The following MICAL3 variants were observed in gnomAD, a reference collection of about 807,000 sequenced individuals.
The protein encoded by MICAL3 is [F-actin]-monooxygenase MICAL3.
Under a neutral mutation model 207.4 loss-of-function variants are expected in MICAL3, and 62 were observed. The observed-to-expected ratio is 0.30, with a 90% CI of 0.24 to 0.37. The LOEUF is 0.37. Ranked by LOEUF, MICAL3 falls within the 10% of genes least tolerant of loss-of-function variation. MICAL3 has a pLI of 1.00. For synonymous variants in MICAL3, 1,077 were observed against 1,069.3 expected (o/e 1.01, Z -0.14); for missense variants, 2,368 against 2,635.6 (o/e 0.90, Z 2.22).
intron 1 of MICAL3, among the ~76,000 whole-genome samples, chr22:17,993,023 A>C (rs1030750669): frequency 1.3e-5 from 2 of 152,202 alleles, no homozygotes; most frequent in Non-Finnish European, 2.9e-5. Context: ...AGAATACCAA[A>C]AGCAGAAAGT....
intron 25 of MICAL3, among the ~76,000 whole-genome samples, chr22:17,820,635 T>G (rs746084822): frequency 3.9e-5 from 6 of 152,210 alleles, no homozygotes; most frequent in Non-Finnish European, 8.8e-5. Context: ...ATTACAGGCG[T>G]GAGCCACCGC....
At chr22:17,831,733 C>G (rs1922828250) in intron 21 of MICAL3, 121 bp downstream of exon 21, 2 of 1,455,698 alleles carry the variant, frequency 1.4e-6, no homozygotes, top group Non-Finnish European at 1.8e-6. Context: ...GAGGGGTGGT[C>G]CCTGGGCTGT....
chr22:18,003,181 T>C (rs1923157442), intron 1 of MICAL3, among the ~76,000 whole-genome samples: 1 of 151,724 alleles, frequency 6.6e-6, no homozygotes, highest in African/African-American at 2.4e-5. Context: ...AAAAAGAACT[T>C]TAGTTGAAAG....
intron 19 of MICAL3, chr22:17,861,888 T>C: frequency 3.0e-6 from 3 of 985,356 alleles, no homozygotes; most frequent in Non-Finnish European, 3.6e-6. Flanking sequence ...CGACCTAGAG[T>C]GGTTCTTTGA....
In MICAL3 at chr22:17,935,988, T is replaced by C. The variant is rs545967638; in HGVS notation, c.-74-29102A>G. 4.3e-3 allele frequency among the ~76,000 whole-genome samples: 649 copies of C among 152,270 alleles called. 2 individuals are homozygous for C. The highest frequency in any genetic ancestry group is 0.015 in the African/African-American group (616 of 41,550). The stretch of plus-strand genomic sequence containing the variant: ...TTTACACTGTTGGTGGGAGTGTAAA[T>C]TGATTCAACCATTGTGGAAGACAGT... On this transcript the variant is annotated intron_variant, in intron 1 of 31. Coordinates refer to ENST00000441493, the MANE Select transcript of MICAL3 (RefSeq NM_015241.3).
At chr22:17,877,913 C>T (rs930931231) in intron 16 of MICAL3, among the ~76,000 whole-genome samples, 1 of 151,784 alleles carries the variant, frequency 6.6e-6, no homozygotes, top group East Asian at 1.9e-4. Flanking sequence ...AGTGCAGTGG[C>T]GCGATCTTGG....
chr22:17,984,334 G>A (rs535617082), intron 1 of MICAL3, among the ~76,000 whole-genome samples: 9 of 152,338 alleles, frequency 5.9e-5, no homozygotes, highest in South Asian at 2.1e-4. Flanking sequence ...CCAACACTGC[G>A]CTCGACACAT....
intron 19 of MICAL3, among the ~76,000 whole-genome samples, chr22:17,852,052 G>A: frequency 6.6e-6 from 1 of 152,168 alleles, no homozygotes; most frequent in East Asian, 1.9e-4. Flanking sequence ...AGTCCGGAAT[G>A]CATCCAAAGC....
intron 21 of MICAL3, among the ~76,000 whole-genome samples, chr22:17,831,055 C>T (rs543368095): frequency 6.6e-6 from 1 of 152,338 alleles, no homozygotes; most frequent in East Asian, 1.9e-4. Context: ...TCACTGAGAA[C>T]TCAACCGATC....
chr22:17,925,306 T>C (rs1932892238), intron 1 of MICAL3, among the ~76,000 whole-genome samples: 1 of 152,114 alleles, frequency 6.6e-6, no homozygotes, highest in Non-Finnish European at 1.5e-5. Flanking sequence ...CAGAAAAACA[T>C]ACTGTTCTCA....
chr22:17,797,493 AAAAT>A (rs1427558483), intron 29 of MICAL3, among the ~76,000 whole-genome samples: 1 of 152,166 alleles, frequency 6.6e-6, no homozygotes, highest in African/African-American at 2.4e-5. Flanking sequence ...CTATCTCTAA[AAAAT>A]AAATAAATAA....
At chr22:17,893,519 T>A (rs1569120028) in intron 11 of MICAL3, among the ~76,000 whole-genome samples, 1 of 152,172 alleles carries the variant, frequency 6.6e-6, no homozygotes, top group Non-Finnish European at 1.5e-5. Flanking sequence ...CTCTGTGCTC[T>A]CGTAACACCT....
intron 1 of MICAL3, among the ~76,000 whole-genome samples, chr22:17,939,685 T>C (rs1933719312): frequency 6.6e-6 from 1 of 152,200 alleles, no homozygotes; most frequent in Non-Finnish European, 1.5e-5. Flanking sequence ...AACACTTTTT[T>C]CCACATGTAG....
At chr22:17,859,640 C>T (rs959265458) in intron 19 of MICAL3, among the ~76,000 whole-genome samples, 1 of 152,240 alleles carries the variant, frequency 6.6e-6, no homozygotes, top group African/African-American at 2.4e-5. Context: ...GAAGAAAGAG[C>T]AAGAACTTTC....
intron 1 of MICAL3, among the ~76,000 whole-genome samples, chr22:17,948,939 G>A (rs1233370550): frequency 1.6e-5 from 2 of 125,694 alleles, no homozygotes; most frequent in Non-Finnish European, 3.4e-5. Context: ...GGCCAGCACG[G>A]TGGGTCGTGC....
intron 20 of MICAL3, chr22:17,839,823 C>T (rs1923814814): frequency 6.6e-6 from 1 of 152,214 alleles, no homozygotes; most frequent in Non-Finnish European, 1.5e-5. Context: ...CCACCTCAGC[C>T]TCCCAAAGCG....
intron 5 of MICAL3, 103 bp from the exon 6 acceptor site, chr22:17,901,100 G>T: frequency 1.9e-6 from 2 of 1,068,942 alleles, no homozygotes; most frequent in African/African-American, 1.6e-5. Flanking sequence ...GAAAGTCAGG[G>T]ATGAGAACTG....
At chr22:17,842,073 G>T in intron 19 of MICAL3, 56 bp from the exon 20 acceptor site, 1 of 1,526,490 alleles carries the variant, frequency 6.6e-7, no homozygotes, top group East Asian at 2.3e-5. Flanking sequence ...CGGGGCGTGG[G>T]GGTGGGGGCT....
intron 1 of MICAL3, among the ~76,000 whole-genome samples, chr22:18,016,878 C>T (rs954200273): frequency 1.7e-4 from 26 of 151,414 alleles, no homozygotes; most frequent in African/African-American, 6.3e-4. Context: ...AGGCGGAGCT[C>T]GCAGTGAACC....
Sources: allele counts gnomAD v4.1 joint callset (sites outside exome capture counted in the v4.1 genomes callset), GRCh38; gene constraint gnomAD v4.1.1; transcripts MANE v1.5; gene names NCBI Gene and HGNC (gene_info 2026-07-23, HGNC 2026-07-21).